The following C2orf66 variants were observed in gnomAD, a reference collection of about 807,000 sequenced individuals.
C2orf66 encodes chromosome 2 open reading frame 66.
A neutral mutation model predicts 7.0 loss-of-function variants in C2orf66; 6 were observed. That is an observed-to-expected ratio of 0.86 (90% confidence interval 0.47 to 1.69). The LOEUF (loss-of-function observed/expected upper bound fraction) is 1.69. C2orf66 is among the 40% of genes most tolerant of loss of function. The pLI, the probability that C2orf66 is intolerant of heterozygous loss-of-function variation, is 0.01. For missense variants in C2orf66, 107 were observed against 112.0 expected (o/e 0.96, Z 0.20); for synonymous variants, 38 against 43.8 (o/e 0.87, Z 0.52).
chr2:196,817,442 A>T, the C2orf66 span, among the ~76,000 whole-genome samples: 1 of 151,902 alleles, frequency 6.6e-6, no homozygotes, highest in Non-Finnish European at 1.5e-5. Context: ...TCACCGTGTT[A>T]GCCAGGATGG....
upstream of C2orf66, among the ~76,000 whole-genome samples, chr2:196,811,078 T>C (rs1699870146): frequency 6.6e-6 from 1 of 152,178 alleles, no homozygotes; most frequent in Admixed American, 6.5e-5. Flanking sequence ...CCAGGCAACC[T>C]GAGGAAGACA....
At chr2:196,812,368 C>A (rs556102778), upstream of C2orf66, among the ~76,000 whole-genome samples, 6 of 152,092 alleles carry the variant, frequency 3.9e-5, no homozygotes, top group African/African-American at 1.4e-4. Flanking sequence ...AAAAGGCCTT[C>A]GGCAAAATTC....
chr2:196,814,415 C>T, the C2orf66 span, among the ~76,000 whole-genome samples: 1 of 151,658 alleles, frequency 6.6e-6, no homozygotes, highest in African/African-American at 2.4e-5. Context: ...CACACTGGGG[C>T]CTATAGGGGG....
chr2:196,818,181 G>T, the C2orf66 span, among the ~76,000 whole-genome samples: 2 of 152,202 alleles, frequency 1.3e-5, no homozygotes, highest in East Asian at 1.9e-4. Flanking sequence ...TCCATTCGGG[G>T]TCCCTGACTT....
chr2:196,812,792 A>C (rs1378680127), upstream of C2orf66, among the ~76,000 whole-genome samples: 3 of 152,224 alleles, frequency 2.0e-5, no homozygotes, highest in Non-Finnish European at 4.4e-5. Context: ...CACCAGTAAC[A>C]GACAAACAGC....
At chr2:196,810,444 GTGGCATC>G (rs775767218), upstream of C2orf66, among the ~76,000 whole-genome samples, 3 of 152,138 alleles carry the variant, frequency 2.0e-5, no homozygotes, top group Non-Finnish European at 4.4e-5. Flanking sequence ...GTTTTAAATA[GTGGCATC>G]ATTTATCATA....
the C2orf66 span, among the ~76,000 whole-genome samples, chr2:196,818,177 C>T: frequency 3.9e-5 from 6 of 152,208 alleles, no homozygotes; most frequent in African/African-American, 1.4e-4. Flanking sequence ...TCCCTCCATT[C>T]GGGGTCCCTG....
At chr2:196,805,530 T>G (rs539786060) in intron 2 of C2orf66, 122 bp from the exon 3 acceptor site, 1 of 152,210 alleles carries the variant, frequency 6.6e-6, no homozygotes, top group East Asian at 1.9e-4. Flanking sequence ...TCACCAGAGA[T>G]GTAAGGAACA....
chr2:196,806,289 C>T (rs1056571393), intron 2 of C2orf66, among the ~76,000 whole-genome samples: 1 of 152,048 alleles, frequency 6.6e-6, no homozygotes, highest in African/African-American at 2.4e-5. Flanking sequence ...GCTCCACCTC[C>T]CAGGTTCACG....
the C2orf66 span, among the ~76,000 whole-genome samples, chr2:196,827,238 C>CAAAAA: frequency 4.9e-5 from 2 of 40,560 alleles, no homozygotes; most frequent in Non-Finnish European, 1.0e-4. Context: ...GATTCTGTCT[C>CAAAAA]AAAAAAAAAA....
intron 2 of C2orf66, among the ~76,000 whole-genome samples, chr2:196,806,489 G>A (rs1252190423): frequency 2.0e-5 from 3 of 151,550 alleles, no homozygotes; most frequent in Non-Finnish European, 4.4e-5. Flanking sequence ...GAGCCACTGC[G>A]CCCGGCCAAT....
chr2:196,813,335 C>T (rs111321143), upstream of C2orf66, among the ~76,000 whole-genome samples: 1 of 152,104 alleles, frequency 6.6e-6, no homozygotes, highest in Admixed American at 6.5e-5. Flanking sequence ...GGAAAGGATC[C>T]CCTATTTAAT....
At chr2:196,820,004 C>T in the C2orf66 span, among the ~76,000 whole-genome samples, 1 of 152,172 alleles carries the variant, frequency 6.6e-6, no homozygotes, top group Non-Finnish European at 1.5e-5. Context: ...TTCATGACCA[C>T]ACACACTTTT....
At chr2:196,820,201 A>C in the C2orf66 span, among the ~76,000 whole-genome samples, 1 of 152,258 alleles carries the variant, frequency 6.6e-6, no homozygotes, top group South Asian at 2.1e-4. Flanking sequence ...AATTATTATT[A>C]GTACAGCTTT....
At chr2:196,831,562 G>A in the C2orf66 span, among the ~76,000 whole-genome samples, 4 of 152,112 alleles carry the variant, frequency 2.6e-5, no homozygotes, top group Non-Finnish European at 5.9e-5. Context: ...TAGAGACCCC[G>A]GATGGGTCCC....
At chr2:196,825,372 CAT>C in the C2orf66 span, among the ~76,000 whole-genome samples, 5 of 152,052 alleles carry the variant, frequency 3.3e-5, no homozygotes, top group Non-Finnish European at 7.4e-5. Context: ...TAACACCTCA[CAT>C]GTTAGAATGA....
At chr2:196,822,979 TTCAAG>T in the C2orf66 span, among the ~76,000 whole-genome samples, 3 of 151,302 alleles carry the variant, frequency 2.0e-5, no homozygotes, top group African/African-American at 7.3e-5. Flanking sequence ...TAGTTTTCCC[TTCAAG>T]TCAAGTGTCT....
chr2:196,811,825 T>C (rs1699879913), upstream of C2orf66, among the ~76,000 whole-genome samples: 1 of 152,138 alleles, frequency 6.6e-6, no homozygotes, highest in Non-Finnish European at 1.5e-5. Context: ...GGCCAAAAAC[T>C]TGAGCTTTGA....
chr2:196,831,268 C>T, the C2orf66 span, among the ~76,000 whole-genome samples: 5 of 152,128 alleles, frequency 3.3e-5, no homozygotes, highest in Admixed American at 6.5e-5. Flanking sequence ...ACTCAGCCCC[C>T]CTTACTGGAG....
Sources: allele counts gnomAD v4.1 joint callset (sites outside exome capture counted in the v4.1 genomes callset), GRCh38; gene constraint gnomAD v4.1.1; transcripts MANE v1.5; gene names NCBI Gene and HGNC (gene_info 2026-07-23, HGNC 2026-07-21).